RSPH10B: variants seen among roughly 807,000 people sequenced by gnomAD.
RSPH10B encodes radial spoke head 10 homolog B.
A neutral mutation model predicts 52.5 loss-of-function variants in RSPH10B; 7 were observed. The ratio of observed to expected loss-of-function variants is 0.13; its 90% CI spans 0.08 to 0.25. The LOEUF (loss-of-function observed/expected upper bound fraction) is 0.25, where lower values mean the gene tolerates loss of function less well. Ranked by LOEUF, RSPH10B falls within the 10% of genes least tolerant of loss-of-function variation. RSPH10B has a pLI of 1.00. For synonymous variants in RSPH10B, 28 were observed against 193.2 expected, an observed-to-expected ratio of 0.14 and a Z score of 7.09; for missense variants, 89 against 542.5, an observed-to-expected ratio of 0.16 and a Z score of 8.30.
intron 13 of RSPH10B, among the ~76,000 whole-genome samples, chr7:5,942,857 C>T (rs1222497932): frequency 1.2e-4 from 17 of 147,086 alleles, no homozygotes; most frequent in East Asian, 5.9e-4. Context: ...AGCAAAACTC[C>T]GTCTCAAAAA....
intron 14 of RSPH10B, among the ~76,000 whole-genome samples, chr7:5,938,481 G>A (rs1780039613): frequency 1.1e-5 from 1 of 87,034 alleles, no homozygotes; most frequent in Non-Finnish European, 2.7e-5. Flanking sequence ...GGGAGGCTGA[G>A]GCAGGAGAAT....
At chr7:5,950,407 C>T (rs1194846725) in intron 9 of RSPH10B, among the ~76,000 whole-genome samples, 2 of 149,750 alleles carry the variant, frequency 1.3e-5, no homozygotes, top group African/African-American at 4.9e-5. Context: ...TCCATCTCTA[C>T]TAAAAATACA....
chr7:5,968,601 G>A (rs1345491410), upstream of RSPH10B, among the ~76,000 whole-genome samples: 3 of 68,986 alleles, frequency 4.3e-5, no homozygotes, highest in African/African-American at 1.4e-4. Context: ...CCACCTCCCG[G>A]GTTCATGCCA....
chr7:5,937,396 TTTTG>T (rs1471233399), intron 15 of RSPH10B, among the ~76,000 whole-genome samples: 3 of 131,408 alleles, frequency 2.3e-5, no homozygotes, highest in African/African-American at 5.2e-5. Context: ...TTGTAATTCT[TTTTG>T]TTTGTTTGGT....
intron 13 of RSPH10B, among the ~76,000 whole-genome samples, chr7:5,941,960 C>T (rs71531345): frequency 0.2 from 29,295 of 146,388 alleles, 123 homozygotes; most frequent in East Asian, 0.31. Flanking sequence ...TGGCACAATT[C>T]CAGCTCATTG....
chr7:5,938,434 C>T (rs1471192903), intron 14 of RSPH10B, among the ~76,000 whole-genome samples: 3 of 115,778 alleles, frequency 2.6e-5, no homozygotes, highest in Admixed American at 8.8e-5. Flanking sequence ...AAAAATTAGC[C>T]GGGCGTGGTG....
chr7:5,947,970 C>A (rs1780500664), intron 10 of RSPH10B, among the ~76,000 whole-genome samples: 1 of 42,292 alleles, frequency 2.4e-5, no homozygotes, highest in African/African-American at 1.0e-4. Flanking sequence ...CTCCTGGGTC[C>A]AAGCGATTCT....
chr7:5,931,700 A>T (rs1388095572), intron 17 of RSPH10B, among the ~76,000 whole-genome samples: 26 of 3,742 alleles, frequency 6.9e-3, no homozygotes, highest in African/African-American at 0.019. Context: ...CCACCTCTTA[A>T]AAAAAAAAAA....
chr7:5,937,324 T>G (rs1288096488), intron 15 of RSPH10B, among the ~76,000 whole-genome samples: 1 of 141,822 alleles, frequency 7.1e-6, no homozygotes, highest in South Asian at 2.2e-4. Context: ...CTGGAAGGGT[T>G]AGTAAAGCCA....
intron 13 of RSPH10B, among the ~76,000 whole-genome samples, chr7:5,942,641 C>A (rs1257326807): frequency 6.7e-6 from 1 of 148,416 alleles, no homozygotes; most frequent in African/African-American, 2.5e-5. Context: ...GCGGGTGGAT[C>A]ACCTGGGGTT....
intron 14 of RSPH10B, among the ~76,000 whole-genome samples, chr7:5,938,287 G>T (rs1454719626): frequency 1.0e-5 from 1 of 99,620 alleles, no homozygotes; most frequent in Admixed American, 1.1e-4. Context: ...TCAGCTGAAG[G>T]CTGGGCGCGG....
chr7:5,961,357 T>C (rs547128307), intron 3 of RSPH10B, among the ~76,000 whole-genome samples: 8 of 146,228 alleles, frequency 5.5e-5, no homozygotes, highest in Non-Finnish European at 9.2e-5. Context: ...TTTTTATTTT[T>C]GAGACAGAGT....
intron 10 of RSPH10B, among the ~76,000 whole-genome samples, chr7:5,948,019 G>A (rs62454716): frequency 0.26 from 2,755 of 10,506 alleles, 44 homozygotes; most frequent in East Asian, 0.37. Context: ...TTATAGGCAT[G>A]CACCACCACG....
In RSPH10B at chr7:5,954,988, T is replaced by TAAAAAAAAAAAAAAAAAA. The variant is rs1185408288; in HGVS notation, c.957+999_957+1016dup. Reference sequence around the variant, plus strand: ...AACACGGCAAAACCCCTGTAACTACTAAAAAAAAAAAAAAAAAAAAAAAAA... The same window carrying TAAAAAAAAAAAAAAAAAA: ...AACACGGCAAAACCCCTGTAACTACTAAAAAAAAAAAAAAAAAAAAAAAAAAAAAAAAAAAAAAAAAAA... On this transcript the variant is annotated intron_variant, in intron 7 of 18. Transcript: ENST00000337579. 2.1e-4 allele frequency among the ~76,000 whole-genome samples: 5 copies of TAAAAAAAAAAAAAAAAAA among 24,162 alleles called. 1 individual carries two copies. Among genetic ancestry groups the TAAAAAAAAAAAAAAAAAA allele is most frequent in the African/African-American group, 4.9e-4 (3 of 6,120 alleles). 15.9% of individuals were successfully genotyped at this position (24,162 alleles called of 152,430 possible).
intron 16 of RSPH10B, among the ~76,000 whole-genome samples, chr7:5,933,701 A>C (rs76559226): frequency 3.0e-5 from 4 of 135,138 alleles, no homozygotes; most frequent in Non-Finnish European, 4.9e-5. Context: ...CAGAGCTTGC[A>C]ATGAGCCGAG....
At chr7:5,938,580 C>CAA (rs1007469421) in intron 14 of RSPH10B, 142 bp downstream of exon 16, 327 of 12,844 alleles carry the variant, frequency 0.025, no homozygotes, top group South Asian at 0.039. Context: ...ACTCCGTCTC[C>CAA]AAAAAAAAAA....
chr7:5,943,633 C>T (rs1366684551), intron 12 of RSPH10B, among the ~76,000 whole-genome samples, 161 bp from the exon 15 acceptor site: 1 of 148,530 alleles, frequency 6.7e-6, no homozygotes, highest in African/African-American at 2.5e-5. Context: ...AACCTCCGCC[C>T]CCCAGGCTCA....
At chr7:5,932,059 G>A (rs532352369) in intron 17 of RSPH10B, among the ~76,000 whole-genome samples, 10 of 146,484 alleles carry the variant, frequency 6.8e-5, no homozygotes, top group East Asian at 3.9e-4. Context: ...ACAAGGCCAC[G>A]TGCAACTGGC....
intron 18 of RSPH10B, among the ~76,000 whole-genome samples, chr7:5,927,070 A>ATATT (rs1554284566): frequency 9.0e-6 from 1 of 110,692 alleles, no homozygotes; most frequent in Non-Finnish European, 1.9e-5. Flanking sequence ...GTGTGTGTAT[A>ATATT]TGTGTGTGTG....
Sources: allele counts gnomAD v4.1 joint callset (sites outside exome capture counted in the v4.1 genomes callset), GRCh38; gene constraint gnomAD v4.1.1; transcripts MANE v1.5; gene names NCBI Gene and HGNC (gene_info 2026-07-23, HGNC 2026-07-21).